The following RNF216 variants were observed in gnomAD, a reference collection of about 807,000 sequenced individuals.
RNF216 encodes ring finger protein 216.
A neutral mutation model predicts 110.8 loss-of-function variants in RNF216; 72 were observed. That is an observed-to-expected ratio of 0.65 (90% CI 0.54 to 0.79). The LOEUF is 0.79. Ranked by LOEUF, RNF216 falls within the 30% of genes least tolerant of loss-of-function variation. The pLI is 0.00. For synonymous variants in RNF216, 495 were observed against 407.5 expected, an observed-to-expected ratio of 1.21 and a Z score of -2.59; for missense variants, 1,342 against 1,141.2, an observed-to-expected ratio of 1.18 and a Z score of -2.54.
At chr7:5,714,427 C>G (rs1266067593) in intron 11 of RNF216, among the ~76,000 whole-genome samples, 1 of 151,454 alleles carries the variant, frequency 6.6e-6, no homozygotes, top group Non-Finnish European at 1.5e-5. Flanking sequence ...TCTGGCTAAT[C>G]TTGTATTTTT....
intron 15 of RNF216, among the ~76,000 whole-genome samples, chr7:5,628,270 A>C (rs1005793914): frequency 2.0e-5 from 3 of 152,106 alleles, no homozygotes; most frequent in Admixed American, 6.6e-5. Flanking sequence ...AGGAGTCTAA[A>C]GACAGTCTGG....
chr7:5,675,841 C>G (rs984458756), intron 13 of RNF216, among the ~76,000 whole-genome samples: 3 of 151,720 alleles, frequency 2.0e-5, no homozygotes, highest in Admixed American at 6.6e-5. Context: ...TCCTGAGTAG[C>G]TGGGATTACA....
intron 13 of RNF216, among the ~76,000 whole-genome samples, chr7:5,686,201 T>C (rs1303277362): frequency 1.4e-5 from 2 of 147,082 alleles, no homozygotes; most frequent in Non-Finnish European, 3.0e-5. Context: ...CCAGCCTGGG[T>C]TGACAGAGTA....
At chr7:5,755,131 A>G (rs1795555622) in intron 2 of RNF216, among the ~76,000 whole-genome samples, 1 of 133,302 alleles carries the variant, frequency 7.5e-6, no homozygotes, top group African/African-American at 2.6e-5. Flanking sequence ...GAAAGGAAAG[A>G]GGGAGGGAGG....
At chr7:5,735,392 T>C (rs576872801) in intron 5 of RNF216, among the ~76,000 whole-genome samples, 1 of 152,004 alleles carries the variant, frequency 6.6e-6, no homozygotes, top group Non-Finnish European at 1.5e-5. Context: ...GAACTTAACA[T>C]ATCAGAACAA....
In RNF216 at chr7:5,633,468, A is replaced by G. The variant is rs550428034; in HGVS notation, c.2382+7686T>C. 5.5e-3 allele frequency among the ~76,000 whole-genome samples: 841 copies of G among 152,082 alleles called. 5 individuals are homozygous for G. The highest frequency in any genetic ancestry group is 8.5e-3 in the Non-Finnish European group (578 of 67,970). ...CGTGCACCTGTAATCCCAGCTACTC[A>G]GGAGGGTGAGGCAGGAGAATCACTT... On this transcript the variant is annotated intron_variant, in intron 15 of 16. Transcript: ENST00000389902.
At chr7:5,635,260 T>A (rs1240635712) in intron 15 of RNF216, among the ~76,000 whole-genome samples, 1 of 150,980 alleles carries the variant, frequency 6.6e-6, no homozygotes, top group Non-Finnish European at 1.5e-5. Flanking sequence ...TGATGACAGA[T>A]CAATGATCAC....
chr7:5,638,238 T>C (rs1437893661), intron 15 of RNF216, among the ~76,000 whole-genome samples: 3 of 152,266 alleles, frequency 2.0e-5, no homozygotes, highest in Admixed American at 6.5e-5. Flanking sequence ...AGTGTAGATA[T>C]ATATAGAATT....
chr7:5,740,888 A>G, intron 4 of RNF216, 85 bp downstream of exon 4: 1 of 1,375,156 alleles, frequency 7.3e-7, no homozygotes, highest in Non-Finnish European at 9.8e-7. Context: ...GCATACCAAC[A>G]ACTTTTTTTT....
rs1795782683 is a variant in RNF216, at chr7:5,758,896, G to A, written c.67+2107C>T. Among the ~76,000 whole-genome samples, 2 of 152,174 alleles carry A rather than the reference G, an allele frequency of 1.3e-5. 1 individual carries two copies. Among genetic ancestry groups the A allele is most frequent in the South Asian group, 4.1e-4 (2 of 4,828 alleles). On this transcript the variant is annotated intron_variant, in intron 2 of 16. Coordinates refer to ENST00000389902, the MANE Select transcript of RNF216 (RefSeq NM_207111.4). ...GCAATTGTATTTAGCAATGTGAGAA[G>A]GACAAGAGACTTGGGAGGGGCTGGG...
intron 13 of RNF216, among the ~76,000 whole-genome samples, chr7:5,691,538 G>A (rs1013085050): frequency 6.6e-6 from 1 of 152,136 alleles, no homozygotes; most frequent in Non-Finnish European, 1.5e-5. Flanking sequence ...AGGGGAGAGG[G>A]GGAATGTGTG....
At chr7:5,720,026 G>C (rs1261658688) in intron 9 of RNF216, among the ~76,000 whole-genome samples, 4 of 152,216 alleles carry the variant, frequency 2.6e-5, no homozygotes, top group African/African-American at 7.2e-5. Context: ...AGGTGAAACT[G>C]GTGTGTCTTA....
At chr7:5,630,999 G>A (rs1398049606) in intron 15 of RNF216, among the ~76,000 whole-genome samples, 1 of 152,190 alleles carries the variant, frequency 6.6e-6, no homozygotes, top group Non-Finnish European at 1.5e-5. Context: ...CGGGCTGGGA[G>A]CGTGTGTCAG....
chr7:5,708,807 G>C (rs1373583647), intron 13 of RNF216, among the ~76,000 whole-genome samples: 1 of 152,110 alleles, frequency 6.6e-6, no homozygotes, highest in Non-Finnish European at 1.5e-5. Flanking sequence ...GCAGTGAGTT[G>C]GGTGAGACAG....
At chr7:5,770,802 CTTT>C (rs796604564) in intron 1 of RNF216, among the ~76,000 whole-genome samples, 2 of 144,914 alleles carry the variant, frequency 1.4e-5, no homozygotes, top group East Asian at 2.0e-4. Flanking sequence ...AGAACAGATT[CTTT>C]TTTTTTTTTT....
chr7:5,717,189 A>C (rs1371356757), intron 9 of RNF216, among the ~76,000 whole-genome samples: 1 of 152,114 alleles, frequency 6.6e-6, no homozygotes, highest in Non-Finnish European at 1.5e-5. Context: ...CCCCATCTCT[A>C]CTAAAAATAC....
intron 7 of RNF216, among the ~76,000 whole-genome samples, chr7:5,728,437 G>A (rs963943554): frequency 1.3e-5 from 2 of 151,938 alleles, no homozygotes; most frequent in Non-Finnish European, 2.9e-5. Flanking sequence ...AACCAGGCGC[G>A]GTGGTGAGCA....
intron 13 of RNF216, among the ~76,000 whole-genome samples, chr7:5,662,740 T>G (rs1789229075): frequency 6.6e-6 from 1 of 152,104 alleles, no homozygotes; most frequent in Non-Finnish European, 1.5e-5. Context: ...CTGTATACTC[T>G]GAGGAAGATG....
At chr7:5,711,647 A>G in intron 13 of RNF216, 114 bp downstream of exon 13, 2 of 802,768 alleles carry the variant, frequency 2.5e-6, no homozygotes, top group Non-Finnish European at 4.1e-6. Flanking sequence ...AAAGGAAAGC[A>G]CTCAAATCCT....
Sources: allele counts gnomAD v4.1 joint callset (sites outside exome capture counted in the v4.1 genomes callset), GRCh38; gene constraint gnomAD v4.1.1; transcripts MANE v1.5; gene names NCBI Gene and HGNC (gene_info 2026-07-23, HGNC 2026-07-21).